Variants in DPYD observed in about 807,000 individuals in gnomAD.
DPYD encodes dihydropyrimidine dehydrogenase, also known as dihydropyrimidine dehydrogenase [NADP(+)].
In DPYD, 109 loss-of-function variants were observed where a neutral mutation model predicts 116.2. The ratio of observed to expected loss-of-function variants is 0.94; its 90% CI spans 0.80 to 1.10. The LOEUF is 1.10. Among genes scored for constraint, DPYD ranks in the 50% least tolerant of loss-of-function variants. The pLI is 0.00. For synonymous variants in DPYD, 440 were observed against 432.0 expected (o/e 1.02, Z -0.23); for missense variants, 1,302 against 1,254.5 (o/e 1.04, Z -0.57).
At chr1:97,181,241 G>C (rs1052115528) in intron 20 of DPYD, among the ~76,000 whole-genome samples, 5 of 152,088 alleles carry the variant, frequency 3.3e-5, no homozygotes, top group East Asian at 1.9e-4. Context: ...TCTGGGATGA[G>C]AGAAACCAAG....
At chr1:97,251,588 A>G (rs1663104760) in intron 18 of DPYD, among the ~76,000 whole-genome samples, 1 of 152,010 alleles carries the variant, frequency 6.6e-6, no homozygotes, top group Admixed American at 6.6e-5. Flanking sequence ...TCTCCATGAA[A>G]TTTTCTTGAG....
intron 8 of DPYD, among the ~76,000 whole-genome samples, chr1:97,620,511 C>G (rs1208200666): frequency 2.0e-5 from 3 of 152,122 alleles, no homozygotes; most frequent in Non-Finnish European, 4.4e-5. Flanking sequence ...CCAAGGCACC[C>G]ACTCTCACAT....
chr1:97,622,350 G>GA (rs961610395), intron 8 of DPYD, among the ~76,000 whole-genome samples: 2 of 151,598 alleles, frequency 1.3e-5, no homozygotes, highest in African/African-American at 2.4e-5. Context: ...TTAATCATGA[G>GA]AAAAAACACA....
At chr1:97,461,325 T>C (rs1191900294) in intron 13 of DPYD, among the ~76,000 whole-genome samples, 1 of 152,180 alleles carries the variant, frequency 6.6e-6, no homozygotes, top group Non-Finnish European at 1.5e-5. Context: ...ATGCCCTTTC[T>C]CCTGTTAAAT....
At chr1:97,433,122 G>A (rs1003510041) in intron 14 of DPYD, among the ~76,000 whole-genome samples, 2 of 152,136 alleles carry the variant, frequency 1.3e-5, no homozygotes, top group African/African-American at 2.4e-5. Context: ...AGTACAACTA[G>A]TGAAGGCCTA....
chr1:97,550,056 A>G (rs115241663), intron 11 of DPYD, among the ~76,000 whole-genome samples: 2,142 of 152,312 alleles, frequency 0.014, 25 homozygotes, highest in Middle Eastern at 0.027. Flanking sequence ...TTAAATACAT[A>G]CAAAATACAT....
chr1:97,372,311 A>G (rs1381995708), intron 16 of DPYD, among the ~76,000 whole-genome samples: 4 of 152,174 alleles, frequency 2.6e-5, no homozygotes, highest in African/African-American at 9.7e-5. Context: ...ATACTAACTC[A>G]GCCCCCATTC....
intron 8 of DPYD, among the ~76,000 whole-genome samples, chr1:97,636,004 A>G (rs1481747277): frequency 6.6e-6 from 1 of 152,024 alleles, no homozygotes; most frequent in Non-Finnish European, 1.5e-5. Flanking sequence ...ATTTTATTGT[A>G]GAGATGGGGT....
chr1:97,327,815 A>G (rs1034081843), intron 16 of DPYD, among the ~76,000 whole-genome samples: 2 of 152,156 alleles, frequency 1.3e-5, no homozygotes, highest in African/African-American at 2.4e-5. Flanking sequence ...TGTTATAAAT[A>G]ACATGGCACT....
At chr1:97,915,011 C>T (rs895367885) in intron 1 of DPYD, among the ~76,000 whole-genome samples, 10 of 152,038 alleles carry the variant, frequency 6.6e-5, no homozygotes, top group East Asian at 1.9e-4. Flanking sequence ...ACATGATAGA[C>T]GCAGTAATAA....
At chr1:97,166,480 G>A (rs1656337173) in intron 20 of DPYD, among the ~76,000 whole-genome samples, 1 of 152,066 alleles carries the variant, frequency 6.6e-6, no homozygotes. Flanking sequence ...ACTAGTACCT[G>A]TGTGACAAAA....
At chr1:97,726,342 G>C (rs112056614) in intron 4 of DPYD, among the ~76,000 whole-genome samples, 1,850 of 151,606 alleles carry the variant, frequency 0.012, 36 homozygotes, top group African/African-American at 0.042. Context: ...TCCTTGACCT[G>C]ACTTTCTGGT....
intron 3 of DPYD, among the ~76,000 whole-genome samples, chr1:97,803,078 C>T (rs1198933610): frequency 6.6e-6 from 1 of 151,772 alleles, no homozygotes; most frequent in East Asian, 1.9e-4. Context: ...TGAAAAGAAA[C>T]TAAATATATT....
At chr1:97,257,262 A>C (rs148138850) in intron 18 of DPYD, among the ~76,000 whole-genome samples, 4 of 151,882 alleles carry the variant, frequency 2.6e-5, no homozygotes, top group Non-Finnish European at 5.9e-5. Context: ...TAAAATCTCT[A>C]TATTTGATAT....
rs554233949 is a variant in DPYD at position 97,522,910 on chromosome 1, C to T, written c.1525-6969G>A. 3.9e-5 allele frequency among the ~76,000 whole-genome samples: 6 copies of T among 152,128 alleles called. No homozygotes were observed. The East Asian group carries it at 9.7e-4, about 24-fold the overall frequency. ...TTATCTTTAATAATTATTTTTAATA[C>T]AAAATGCTTTTAGTATTCTAGTTAT... On this transcript the variant is annotated intron_variant, in intron 12 of 22. Coordinates refer to ENST00000370192, the MANE Select transcript of DPYD (RefSeq NM_000110.4).
chr1:97,841,099 T>A (rs183299628), intron 2 of DPYD, among the ~76,000 whole-genome samples: 1 of 152,148 alleles, frequency 6.6e-6, no homozygotes, highest in Non-Finnish European at 1.5e-5. Flanking sequence ...TTGGGCATGA[T>A]TCATTTTTTA....
chr1:97,593,384 A>C lies in DPYD; in HGVS notation c.962T>G (p.Met321Arg). ...TGGCAATGGAGAGTGACAGGCGCACATTCCTGAATGATGAAAGGAAAACCC... is the reference window on the plus strand; with the variant it reads ...TGGCAATGGAGAGTGACAGGCGCACCTTCCTGAATGATGAAAGGAAAACCC... ...PLVAKGSKAG[M>R]CACHSPLPSI... Residue 321 changes from methionine to arginine, a missense_variant, in exon 10 of 23, where the codon ATG becomes AGG. Met to Arg is a moderately conservative substitution (Grantham distance 91). Transcript: ENST00000370192. The C allele has an allele frequency of 6.2e-7, 1 of 1,614,116 alleles. No homozygotes were observed. The highest frequency in any genetic ancestry group is 1.7e-5 in the Admixed American group (1 of 60,026).
intron 8 of DPYD, among the ~76,000 whole-genome samples, chr1:97,674,180 G>A (rs1368536994): frequency 1.3e-5 from 2 of 152,136 alleles, no homozygotes. Context: ...CATTAAGTGA[G>A]GGGAGTGGTG....
At chr1:97,132,446 C>T (rs963121385) in intron 20 of DPYD, among the ~76,000 whole-genome samples, 1 of 152,228 alleles carries the variant, frequency 6.6e-6, no homozygotes, top group African/African-American at 2.4e-5. Flanking sequence ...GAAATCTTCA[C>T]AGCTCCATAT....
Sources: allele counts gnomAD v4.1 joint callset (sites outside exome capture counted in the v4.1 genomes callset), GRCh38; gene constraint gnomAD v4.1.1; transcripts MANE v1.5; gene names NCBI Gene and HGNC (gene_info 2026-07-23, HGNC 2026-07-21).